Variants in DNER observed in about 807,000 individuals in gnomAD.
DNER encodes delta/notch like EGF repeat containing.
Under a neutral mutation model 78.2 loss-of-function variants are expected in DNER, and 33 were observed. The ratio of observed to expected loss-of-function variants is 0.42; its 90% CI spans 0.32 to 0.56. The LOEUF (loss-of-function observed/expected upper bound fraction) is 0.56. Among genes scored for constraint, DNER ranks in the 20% least tolerant of loss-of-function variants. DNER has a pLI of 0.11. For missense variants in DNER, 918 were observed against 975.3 expected (o/e 0.94, Z 0.78); for synonymous variants, 417 against 384.8 (o/e 1.08, Z -0.98).
chr2:229,457,994 G>A (rs1161411201), intron 7 of DNER, among the ~76,000 whole-genome samples: 1 of 151,400 alleles, frequency 6.6e-6, no homozygotes, highest in African/African-American at 2.4e-5. Context: ...AAATTAGTCA[G>A]GTGTGGTGGT....
intron 7 of DNER, among the ~76,000 whole-genome samples, chr2:229,454,846 G>T (rs1358441504): frequency 6.6e-6 from 1 of 152,146 alleles, no homozygotes; most frequent in Non-Finnish European, 1.5e-5. Flanking sequence ...ACTGAGGAGA[G>T]AATACACTTT....
chr2:229,493,068 G>A (rs1047801260), intron 6 of DNER, among the ~76,000 whole-genome samples: 9 of 152,100 alleles, frequency 5.9e-5, no homozygotes, highest in Non-Finnish European at 1.0e-4. Flanking sequence ...AATTCTAATC[G>A]GGATTTGTCT....
intron 6 of DNER, among the ~76,000 whole-genome samples, chr2:229,479,981 C>T (rs1013437): frequency 0.26 from 39,344 of 151,960 alleles, 5,266 homozygotes; most frequent in South Asian, 0.33. Context: ...GTCAGAATTG[C>T]GACCACAGAA....
At chr2:229,502,416 C>CT (rs1559150303) in intron 6 of DNER, among the ~76,000 whole-genome samples, 3 of 148,000 alleles carry the variant, frequency 2.0e-5, no homozygotes, top group Non-Finnish European at 4.5e-5. Context: ...GCACATAATG[C>CT]CAAAACTGTA....
chr2:229,577,896 A>G (rs1311773195), intron 4 of DNER, among the ~76,000 whole-genome samples: 1 of 152,192 alleles, frequency 6.6e-6, no homozygotes, highest in Non-Finnish European at 1.5e-5. Flanking sequence ...AAGTTAAAGA[A>G]TATTCCAAAA....
chr2:229,458,157 A>AAAAAT, intron 7 of DNER, among the ~76,000 whole-genome samples: 2 of 149,820 alleles, frequency 1.3e-5, no homozygotes, highest in South Asian at 4.2e-4. Context: ...AAAAAAAAAA[A>AAAAAT]AAAAGGAAAG....
intron 6 of DNER, among the ~76,000 whole-genome samples, chr2:229,490,203 T>C (rs1239935615): frequency 2.0e-5 from 3 of 152,018 alleles, no homozygotes; most frequent in Non-Finnish European, 4.4e-5. Flanking sequence ...ACAGGGAATA[T>C]AGCAGAAAGA....
At chr2:229,677,722 G>A (rs958903506) in intron 1 of DNER, among the ~76,000 whole-genome samples, 1 of 152,112 alleles carries the variant, frequency 6.6e-6, no homozygotes, top group East Asian at 1.9e-4. Context: ...TAATACGCAG[G>A]TGAAAGACAA....
At chr2:229,599,959 C>A (rs1257657345) in intron 1 of DNER, among the ~76,000 whole-genome samples, 2 of 152,118 alleles carry the variant, frequency 1.3e-5, no homozygotes, top group Non-Finnish European at 2.9e-5. Flanking sequence ...AAGCAGGTAA[C>A]TAGAATGGAC....
chr2:229,691,809 A>C (rs1699578362), intron 1 of DNER, among the ~76,000 whole-genome samples: 1 of 152,164 alleles, frequency 6.6e-6, no homozygotes, highest in Non-Finnish European at 1.5e-5. Flanking sequence ...CTGAGGCCTG[A>C]CCAATCAGCA....
intron 7 of DNER, among the ~76,000 whole-genome samples, chr2:229,453,920 T>TAAAAAAAA (rs10602558): frequency 5.2e-4 from 55 of 106,782 alleles, no homozygotes; most frequent in Non-Finnish European, 7.6e-4. Context: ...TAAAATATAT[T>TAAAAAAAA]AAAAAAAAAA....
chr2:229,425,321 C>T (rs1311578783), intron 8 of DNER, among the ~76,000 whole-genome samples: 1 of 152,156 alleles, frequency 6.6e-6, no homozygotes, highest in East Asian at 1.9e-4. Flanking sequence ...TGGGACTCCT[C>T]TCTGTGCCCC....
intron 1 of DNER, among the ~76,000 whole-genome samples, chr2:229,646,079 C>G (rs903019448): frequency 6.6e-6 from 1 of 152,210 alleles, no homozygotes; most frequent in African/African-American, 2.4e-5. Flanking sequence ...CTGCCTGAAT[C>G]TAACTTTTGG....
At position 229,585,873 on chromosome 2, in the gene DNER, T is replaced by A; in HGVS notation, c.832A>T (p.Asn278Tyr). The change falls in exon 4 of 13, where the codon AAT becomes TAT. Residue 278 changes from asparagine to tyrosine, a missense_variant. Transcript: ENST00000341772. ...GGTAACTCACCAATAAAGTGATTAT[T>A]CCCCAAGGCGAGCATCTCCTCCAGG... is the stretch of plus-strand genomic sequence containing the variant. ...VLLEEMLALG[N>Y]NHFIGFVNDS... 6.2e-7 allele frequency: 1 copy of A among 1,613,726 alleles called. No homozygotes were observed. The highest frequency in any genetic ancestry group is 1.1e-5 in the South Asian group (1 of 91,026).
intron 6 of DNER, among the ~76,000 whole-genome samples, chr2:229,488,040 C>T (rs1695314512): frequency 1.3e-5 from 2 of 152,218 alleles, no homozygotes; most frequent in African/African-American, 4.8e-5. Flanking sequence ...TTCCTGTAAC[C>T]ACTCACCGCC....
intron 4 of DNER, among the ~76,000 whole-genome samples, chr2:229,552,385 T>C (rs1277471014): frequency 6.6e-6 from 1 of 152,228 alleles, no homozygotes; most frequent in Non-Finnish European, 1.5e-5. Context: ...GAAAGAAATC[T>C]GGAGGGTGCT....
intron 1 of DNER, among the ~76,000 whole-genome samples, chr2:229,595,231 G>A (rs1219317542): frequency 6.6e-6 from 1 of 151,670 alleles, no homozygotes; most frequent in African/African-American, 2.4e-5. Flanking sequence ...AGGCTTAACA[G>A]TGTTACACAA....
intron 1 of DNER, among the ~76,000 whole-genome samples, chr2:229,698,316 T>C (rs758761750): frequency 6.6e-6 from 1 of 152,156 alleles, no homozygotes; most frequent in South Asian, 2.1e-4. Context: ...TGGTCTCCAT[T>C]TCCTGCACAA....
chr2:229,552,960 A>T lies in DNER; in HGVS notation c.848-5868T>A, dbSNP rs144955199. Among the ~76,000 whole-genome samples, 4 of 152,316 alleles carry T rather than the reference A, an allele frequency of 2.6e-5. No homozygotes were observed. In the East Asian group the frequency reaches 7.7e-4, roughly 29 times the overall value. ...CGACAAGGCCACCTGGATGAAATCA[A>T]TTGCTGTGGCCATGTGCTTTGGAAA... On this transcript the variant is annotated intron_variant, in intron 4 of 12. Coordinates refer to ENST00000341772, the MANE Select transcript of DNER (RefSeq NM_139072.4).
Sources: allele counts gnomAD v4.1 joint callset (sites outside exome capture counted in the v4.1 genomes callset), GRCh38; gene constraint gnomAD v4.1.1; transcripts MANE v1.5; gene names NCBI Gene and HGNC (gene_info 2026-07-23, HGNC 2026-07-21).